A1CF: variants seen among roughly 807,000 people sequenced by gnomAD.
A1CF encodes APOBEC-1 stimulating protein.
Under a neutral mutation model 68.9 loss-of-function variants are expected in A1CF, and 48 were observed. That is an observed-to-expected ratio of 0.70 (90% CI 0.55 to 0.89). The LOEUF is 0.89. Ranked by LOEUF, A1CF falls within the 40% of genes least tolerant of loss-of-function variation. The probability of loss-of-function intolerance (pLI) is 0.00; values close to 1 mark genes in which losing one functional copy is unlikely to be tolerated. For missense variants in A1CF, 653 were observed against 718.9 expected, an observed-to-expected ratio of 0.91 and a Z score of 1.05; for synonymous variants, 272 against 260.4, an observed-to-expected ratio of 1.04 and a Z score of -0.43.
intron 5 of A1CF, 121 bp downstream of exon 5, chr10:50,841,741 A>G: frequency 1.7e-6 from 2 of 1,175,764 alleles, no homozygotes; most frequent in Middle Eastern, 5.0e-4. Flanking sequence ...AAAAATACTA[A>G]TCTATTTCAT....
intron 2 of A1CF, among the ~76,000 whole-genome samples, chr10:50,860,572 G>T (rs1205826884): frequency 6.6e-6 from 1 of 152,132 alleles, no homozygotes; most frequent in Admixed American, 6.6e-5. Flanking sequence ...CTTTTGACTT[G>T]ACGTGGGAAG....
chr10:50,845,025 A>G (rs189162016), intron 3 of A1CF, among the ~76,000 whole-genome samples: 51 of 152,318 alleles, frequency 3.3e-4, no homozygotes, highest in Middle Eastern at 3.4e-3. Context: ...TCTGTGGGTC[A>G]TGATCACACA....
At position 50,840,821 on chromosome 10, in the gene A1CF, T is replaced by G. The variant is rs988350188; in HGVS notation, c.365+1041A>C. ...GTAAAGTGCCCTAAAAGGTCCTTCC[T>G]CTGCTGTTCTTCCAGTCTTTTCCAT... On this transcript the variant is annotated intron_variant, in intron 5 of 12. Coordinates refer to ENST00000373997, the MANE Select transcript of A1CF (RefSeq NM_014576.4). Among the ~76,000 whole-genome samples the G allele has an allele frequency of 4.3e-4, 65 of 152,222 alleles. 2 individuals carry two copies. Among genetic ancestry groups the G allele is most frequent in the Non-Finnish European group, 8.8e-5 (6 of 68,050 alleles).
At chr10:50,850,698 CA>C (rs1278105893) in intron 3 of A1CF, 1 of 1,614,062 alleles carries the variant, frequency 6.2e-7, no homozygotes, top group South Asian at 1.1e-5. Flanking sequence ...TGATGGACTG[CA>C]AAGCATTATT....
chr10:50,820,781 C>T, intron 7 of A1CF, 132 bp from the exon 8 acceptor site: 1 of 576,618 alleles, frequency 1.7e-6, no homozygotes. Context: ...AGGATCTCAT[C>T]AAGAACATTC....
In A1CF at chr10:50,836,582, C is replaced by T. The variant is rs1403325990; in HGVS notation, c.366-270G>A. On this transcript the variant is annotated intron_variant, in intron 5 of 12. Coordinates refer to ENST00000373997, the MANE Select transcript of A1CF (RefSeq NM_014576.4). The stretch of plus-strand genomic sequence containing the variant: ...TACTTTAAGTTCTAGGGTACATGTG[C>T]ACAACATGCAGGTTTGTTACATATG... Among the ~76,000 whole-genome samples the T allele has an allele frequency of 3.3e-5, 5 of 151,976 alleles. No homozygotes were observed. The East Asian group carries it at 7.7e-4, about 23-fold the overall frequency.
chr10:50,809,962 A>C lies in A1CF; in HGVS notation c.1541T>G (p.Leu514Arg), dbSNP rs772029949. The change falls in exon 12 of 13, where the codon CTG becomes CGG. Residue 514 changes from leucine to arginine, a missense_variant. Transcript: ENST00000373997. ...ATCGCCTCCATCAGTGGGGATGCCCAGGGTCTGCAGGGTGTATTCGGCTGC... is the reference window on the plus strand; with the variant it reads ...ATCGCCTCCATCAGTGGGGATGCCCCGGGTCTGCAGGGTGTATTCGGCTGC... ...TYAAEYTLQT[L>R]GIPTDGGDGT... is the part of the protein sequence containing the mutation. The C allele has an allele frequency of 6.2e-7, 1 of 1,614,044 alleles. No homozygotes were observed. Among genetic ancestry groups the C allele is most frequent in the South Asian group, 1.1e-5 (1 of 91,084 alleles).
At chr10:50,819,640 A>G (rs1410810661) in intron 8 of A1CF, among the ~76,000 whole-genome samples, 1 of 152,136 alleles carries the variant, frequency 6.6e-6, no homozygotes, top group African/African-American at 2.4e-5. Flanking sequence ...GATAGGTAAC[A>G]CAGTCCCACG....
chr10:50,844,629 A>G (rs545820205), intron 3 of A1CF, among the ~76,000 whole-genome samples: 11 of 152,290 alleles, frequency 7.2e-5, no homozygotes, highest in South Asian at 2.1e-4. Context: ...GGATCCCTTG[A>G]GCCCAAGAGT....
At position 50,805,739 on chromosome 10, in the gene A1CF, G is replaced by A. The variant is rs544439004; in HGVS notation, c.*990C>T. 3.9e-5 allele frequency: 6 copies of A among 152,220 alleles called. No individual in the cohort carries two copies. The highest frequency in any genetic ancestry group is 8.8e-5 in the Non-Finnish European group (6 of 68,034). The allele number at this position is 152,220 out of a possible 1,614,324, so 9.4% of individuals were successfully genotyped here. A position where few individuals can be genotyped will look rare whatever the true frequency, so the allele number is the denominator to read the frequency against. ...TATAAGCATCTCTGATTGCTAGATG[G>A]TGGGGTGGATACTGCAACAATATCA... On this transcript the variant is annotated 3_prime_UTR_variant, in exon 13 of 13. Transcript: ENST00000373997.
At chr10:50,837,924 T>G (rs745805100) in intron 5 of A1CF, among the ~76,000 whole-genome samples, 45 of 152,230 alleles carry the variant, frequency 3.0e-4, no homozygotes, top group Admixed American at 5.2e-4. Context: ...TTAAAAATGT[T>G]TAGAAAAATC....
At chr10:50,818,854 T>G (rs1187175487) in intron 8 of A1CF, among the ~76,000 whole-genome samples, 1 of 152,164 alleles carries the variant, frequency 6.6e-6, no homozygotes, top group Admixed American at 6.6e-5. Context: ...GGGCCTAGGC[T>G]AAGAGATCCT....
At chr10:50,837,159 G>T (rs983376522) in intron 5 of A1CF, among the ~76,000 whole-genome samples, 6 of 152,200 alleles carry the variant, frequency 3.9e-5, no homozygotes, top group African/African-American at 1.4e-4. Flanking sequence ...CACACAAAAA[G>T]ACTGTGAGAT....
chr10:50,810,921 T>C (rs1312314254), intron 11 of A1CF, 119 bp downstream of exon 11: 10 of 1,164,560 alleles, frequency 8.6e-6, no homozygotes, highest in African/African-American at 3.1e-5. Context: ...AATATTTGCA[T>C]TGAATGACAA....
chr10:50,882,431 C>G (rs1291120066), intron 1 of A1CF, among the ~76,000 whole-genome samples: 1 of 152,172 alleles, frequency 6.6e-6, no homozygotes, highest in Non-Finnish European at 1.5e-5. Flanking sequence ...GATACTCCAT[C>G]TCATACAAAC....
intron 7 of A1CF, among the ~76,000 whole-genome samples, chr10:50,827,457 C>G (rs565499919): frequency 6.6e-6 from 1 of 152,080 alleles, no homozygotes; most frequent in Non-Finnish European, 1.5e-5. Context: ...TGCAATCAAA[C>G]TAGAACTCAG....
chr10:50,861,401 A>G (rs1417859654), intron 2 of A1CF, among the ~76,000 whole-genome samples: 2 of 149,726 alleles, frequency 1.3e-5, no homozygotes, highest in Admixed American at 6.7e-5. Flanking sequence ...CAGTGCTAGT[A>G]TCACTAATAG....
Position 50,860,145 on chromosome 10 carries a change from T to TA in A1CF, c.-45-161dup, listed in dbSNP as rs200259341. On this transcript the variant is annotated intron_variant, in intron 2 of 12. Transcript: ENST00000373997. ...AAACAAGGCTGTGTAAATGTGCTCT[T>TA]AAAAAAAAACTTTTAAAAATGCACA... Among the ~76,000 whole-genome samples, 77 of 151,180 alleles carry TA rather than the reference T, an allele frequency of 5.1e-4. 1 individual carries two copies. The highest frequency in any genetic ancestry group is 5.0e-3 in the South Asian group (24 of 4,776).
At chr10:50,861,449 C>T (rs1445519297) in intron 2 of A1CF, among the ~76,000 whole-genome samples, 1 of 147,762 alleles carries the variant, frequency 6.8e-6, no homozygotes, top group Non-Finnish European at 1.5e-5. Context: ...TATTCTATTA[C>T]TAAAGTAGAG....
Sources: allele counts gnomAD v4.1 joint callset (sites outside exome capture counted in the v4.1 genomes callset), GRCh38; gene constraint gnomAD v4.1.1; transcripts MANE v1.5; gene names NCBI Gene and HGNC (gene_info 2026-07-23, HGNC 2026-07-21).